The following SYNJ1 variants were observed in gnomAD, a reference collection of about 807,000 sequenced individuals.
SYNJ1 encodes the protein polyphosphatidylinositol phosphatase SYNJ1.
A neutral mutation model predicts 168.2 loss-of-function variants in SYNJ1; 78 were observed. The ratio of observed to expected loss-of-function variants is 0.46; its 90% CI spans 0.39 to 0.56. The LOEUF (loss-of-function observed/expected upper bound fraction) is 0.56. Ranked by LOEUF, SYNJ1 falls within the 20% of genes least tolerant of loss-of-function variation. The probability of loss-of-function intolerance (pLI) is 0.00; values close to 1 mark genes in which losing one functional copy is unlikely to be tolerated. For missense variants in SYNJ1, 1,303 were observed against 1,597.6 expected (o/e 0.82, Z 3.14); for synonymous variants, 539 against 548.6 (o/e 0.98, Z 0.24).
At chr21:32,688,263 T>G (rs73194279) in intron 7 of SYNJ1, 43 bp downstream of exon 7, 3 of 1,585,082 alleles carry the variant, frequency 1.9e-6, no homozygotes, top group Middle Eastern at 1.7e-4. Context: ...TCCCACTGCT[T>G]AGCAATATCA....
chr21:32,662,389 TA>T (rs1477434561), intron 18 of SYNJ1, among the ~76,000 whole-genome samples: 1 of 152,216 alleles, frequency 6.6e-6, no homozygotes, highest in Non-Finnish European at 1.5e-5. Flanking sequence ...CTATAGTTAC[TA>T]TGAATGCCTA....
intron 27 of SYNJ1, among the ~76,000 whole-genome samples, chr21:32,642,570 T>C (rs573596392): frequency 6.6e-6 from 1 of 152,222 alleles, no homozygotes; most frequent in Non-Finnish European, 1.5e-5. Context: ...AGGCTCCTAG[T>C]AGCAATACTT....
chr21:32,633,736 A>C (rs951731710), intron 32 of SYNJ1, among the ~76,000 whole-genome samples: 1 of 152,264 alleles, frequency 6.6e-6, no homozygotes, highest in Non-Finnish European at 1.5e-5. Flanking sequence ...CACTTGTAAA[A>C]GGAAATGGAT....
chr21:32,649,175 C>T (rs1569040918), intron 23 of SYNJ1, among the ~76,000 whole-genome samples: 1 of 152,198 alleles, frequency 6.6e-6, no homozygotes, highest in Non-Finnish European at 1.5e-5. Flanking sequence ...ACACGTAACA[C>T]CCAATAAGCT....
chr21:32,670,944 C>G (rs2145960916), intron 14 of SYNJ1: 1 of 460,042 alleles, frequency 2.2e-6, no homozygotes, highest in Non-Finnish European at 2.9e-6. Flanking sequence ...GAGAACAGAG[C>G]TGCCTGAGAA....
chr21:32,726,136 G>A (rs1319703621), intron 2 of SYNJ1, among the ~76,000 whole-genome samples: 1 of 152,080 alleles, frequency 6.6e-6, no homozygotes, highest in Non-Finnish European at 1.5e-5. Context: ...CCCCACACCT[G>A]GCATATCTTA....
At chr21:32,714,626 T>C (rs556646595) in intron 2 of SYNJ1, among the ~76,000 whole-genome samples, 1 of 152,182 alleles carries the variant, frequency 6.6e-6, no homozygotes, top group East Asian at 1.9e-4. Flanking sequence ...GTAGATGGAG[T>C]GCAATCCATT....
intron 2 of SYNJ1, among the ~76,000 whole-genome samples, chr21:32,723,431 G>C (rs2043322427): frequency 6.6e-6 from 1 of 152,202 alleles, no homozygotes; most frequent in Non-Finnish European, 1.5e-5. Context: ...TGTACATAAA[G>C]ACCAAGTCCT....
chr21:32,657,774 G>C lies in SYNJ1; in HGVS notation c.2403C>G (p.Thr801=), dbSNP rs755696516. Residue 801 remains threonine, a synonymous_variant, in exon 19 of 33, where the codon ACC becomes ACG. Transcript: ENST00000674351. ...DDYDTSEKCR[T]PAWTDRVLWR... is the part of the protein sequence containing the mutation. ...AAAGGACACGGTCTGTCCAGGCAGG[G>C]GTGCGGCACTTTTCACTGGTGTCAT... is the stretch of plus-strand genomic sequence containing the variant. 6.2e-7 allele frequency: 1 copy of C among 1,614,084 alleles called. No homozygotes were observed. The highest frequency in any genetic ancestry group is 8.5e-7 in the Non-Finnish European group (1 of 1,179,992).
chr21:32,728,308 G>A (rs181645351), upstream of SYNJ1: 49 of 429,550 alleles, frequency 1.1e-4, no homozygotes, highest in Middle Eastern at 1.2e-3. Flanking sequence ...AGGGACTCCG[G>A]AGAAAAGCTT....
intron 13 of SYNJ1, among the ~76,000 whole-genome samples, chr21:32,674,682 T>C: frequency 6.6e-6 from 1 of 151,724 alleles, no homozygotes; most frequent in Non-Finnish European, 1.5e-5. Flanking sequence ...CATTCTATCC[T>C]GGTTAAATTC....
Position 32,673,369 on chromosome 21 carries a change from G to A in SYNJ1, c.1697C>T (p.Pro566Leu), listed in dbSNP as rs141001350. 4 of 1,609,528 alleles carry A rather than the reference G, an allele frequency of 2.5e-6. No individual in the cohort carries two copies. In the African/African-American group the frequency reaches 5.4e-5, roughly 22 times the overall value. ...QTLTDWLLDA[P>L]KLAGIQEFQD... ...AAACTCCTGGATGCCAGCTAACTTG[G>A]GTGCATCAAGAAGCCAGTCAGTGAG... The change falls in exon 14 of 33, where the codon CCC becomes CTC. Residue 566 changes from proline to leucine, a missense_variant. Transcript: ENST00000674351.
chr21:32,707,846 G>A (rs983111312), intron 2 of SYNJ1, among the ~76,000 whole-genome samples: 6 of 152,074 alleles, frequency 3.9e-5, no homozygotes, highest in African/African-American at 1.2e-4. Context: ...GTGAAACCCC[G>A]TCTCTATTAA....
Position 32,672,152 on chromosome 21 carries a change from T to C in SYNJ1, c.1726+1188A>G, listed in dbSNP as rs1450892624. ...AAAAAGTTTGGGGAGAATCCCAGGG[T>C]TTAAGATGAAACTGATGAAAAATAA... is the stretch of plus-strand genomic sequence containing the variant. On this transcript the variant is annotated intron_variant, in intron 14 of 32. Coordinates refer to ENST00000674351, the MANE Select transcript of SYNJ1 (RefSeq NM_203446.3). 2.0e-5 allele frequency among the ~76,000 whole-genome samples: 3 copies of C among 148,362 alleles called. 1 individual carries two copies. The highest frequency in any genetic ancestry group is 4.5e-5 in the Non-Finnish European group (3 of 67,140).
chr21:32,648,284 C>A (rs965875800), intron 23 of SYNJ1, among the ~76,000 whole-genome samples: 3 of 152,210 alleles, frequency 2.0e-5, no homozygotes, highest in African/African-American at 7.2e-5. Flanking sequence ...CTCTTTCCCC[C>A]CAAACTTTCT....
intron 6 of SYNJ1, among the ~76,000 whole-genome samples, chr21:32,690,697 C>T (rs961450691): frequency 2.6e-5 from 4 of 151,328 alleles, no homozygotes; most frequent in African/African-American, 4.8e-5. Context: ...TCGAGACCAG[C>T]GGATCACCTG....
chr21:32,722,253 G>A (rs1400470769), intron 2 of SYNJ1, among the ~76,000 whole-genome samples: 2 of 140,836 alleles, frequency 1.4e-5, no homozygotes, highest in Non-Finnish European at 3.1e-5. Context: ...GTATGTATAT[G>A]AAATAAGTTT....
intron 18 of SYNJ1, among the ~76,000 whole-genome samples, chr21:32,661,256 C>T (rs1192481557): frequency 6.6e-6 from 1 of 152,188 alleles, no homozygotes; most frequent in Admixed American, 6.5e-5. Flanking sequence ...CTTGCCAAAG[C>T]AGTAGCACAA....
At chr21:32,714,799 T>TGCATCAATA (rs2042963370) in intron 2 of SYNJ1, among the ~76,000 whole-genome samples, 1 of 152,232 alleles carries the variant, frequency 6.6e-6, no homozygotes, top group African/African-American at 2.4e-5. Context: ...GCCAATGATC[T>TGCATCAATA]ACCTGATGCA....
Sources: gnomAD v4.1 joint callset for allele counts (sites outside exome capture counted in the v4.1 genomes callset) on GRCh38, gnomAD v4.1.1 for gene constraint, MANE v1.5 for transcripts, NCBI Gene and HGNC (gene_info 2026-07-23, HGNC 2026-07-21) for gene names.